The following EPHA6 variants were observed in gnomAD, a reference collection of about 807,000 sequenced individuals.
EPHA6 encodes the protein EPH receptor A6, also known as ephrin type-A receptor 6.
A neutral mutation model predicts 112.0 loss-of-function variants in EPHA6; 50 were observed. That is an observed-to-expected ratio of 0.45 (90% CI 0.36 to 0.56). The LOEUF (loss-of-function observed/expected upper bound fraction) is 0.56, where lower values mean the gene tolerates loss of function less well. Ranked by LOEUF, EPHA6 falls within the 20% of genes least tolerant of loss-of-function variation. The pLI, the probability that EPHA6 is intolerant of heterozygous loss-of-function variation, is 0.00. For missense variants in EPHA6, 1,280 were observed against 1,417.4 expected, an observed-to-expected ratio of 0.90 and a Z score of 1.56; for synonymous variants, 529 against 490.7, an observed-to-expected ratio of 1.08 and a Z score of -1.03.
rs752883948 is a variant in EPHA6 at position 97,226,354 on chromosome 3, C to T, written c.1205C>T (p.Ser402Phe). 18 of 1,613,660 alleles carry T rather than the reference C, an allele frequency of 1.1e-5. No individual in the cohort carries two copies. The South Asian group carries it at 2.0e-4, about 18-fold the overall frequency. The change falls in exon 4 of 18, where the codon TCT becomes TTT. Residue 402 changes from serine (S) to phenylalanine (F), a missense_variant. Physicochemically the swap from Ser to Phe is radical, Grantham distance 155 (BLOSUM62 -2). Transcript: ENST00000389672. The stretch of plus-strand genomic sequence containing the variant: ...AGTTTAACATACATGGAAGCAACTT[C>T]TGTCTGTCAGTGTGAAAAGGGTTAT... Reference protein sequence around the residue: ...PHSLTYMEATSVCQCEKGYFR... With the variant: ...PHSLTYMEATFVCQCEKGYFR...
chr3:97,116,255 A>G (rs1205311293), intron 3 of EPHA6, among the ~76,000 whole-genome samples: 1 of 151,760 alleles, frequency 6.6e-6, no homozygotes, highest in Non-Finnish European at 1.5e-5. Context: ...GTATATTTTT[A>G]ATGGTATACA....
chr3:96,936,542 A>C (rs2040592838), intron 2 of EPHA6, among the ~76,000 whole-genome samples: 1 of 151,674 alleles, frequency 6.6e-6, no homozygotes, highest in African/African-American at 2.4e-5. Context: ...CTGTACTTCA[A>C]GCTCAAGGAA....
At chr3:97,189,859 T>C (rs2077253916) in intron 3 of EPHA6, among the ~76,000 whole-genome samples, 1 of 152,136 alleles carries the variant, frequency 6.6e-6, no homozygotes, top group Non-Finnish European at 1.5e-5. Flanking sequence ...TATATAGATA[T>C]ATTTAAATGC....
chr3:97,173,987 A>G (rs2076765815), intron 3 of EPHA6, among the ~76,000 whole-genome samples: 1 of 150,696 alleles, frequency 6.6e-6, no homozygotes, highest in African/African-American at 2.4e-5. Flanking sequence ...CATTCTTTCT[A>G]TTTTTTTTAC....
chr3:97,195,482 G>A (rs1240302107), intron 3 of EPHA6, among the ~76,000 whole-genome samples: 1 of 151,754 alleles, frequency 6.6e-6, no homozygotes, highest in Non-Finnish European at 1.5e-5. Flanking sequence ...TTTCTGATAG[G>A]TTTATCTTTT....
intron 11 of EPHA6, among the ~76,000 whole-genome samples, chr3:97,547,393 C>T (rs75329186): frequency 3.3e-5 from 5 of 152,100 alleles, no homozygotes; most frequent in Non-Finnish European, 7.3e-5. Flanking sequence ...GTGGGTGAAC[C>T]GCAAATGCTG....
At chr3:97,504,625 TGCTTTCAG>T (rs1324737207) in intron 10 of EPHA6, among the ~76,000 whole-genome samples, 3 of 152,200 alleles carry the variant, frequency 2.0e-5, no homozygotes, top group Non-Finnish European at 4.4e-5. Context: ...CTCTCATCTG[TGCTTTCAG>T]GCTGTTCTTT....
At chr3:97,179,633 T>C (rs2076928988) in intron 3 of EPHA6, among the ~76,000 whole-genome samples, 1 of 152,044 alleles carries the variant, frequency 6.6e-6, no homozygotes, top group African/African-American at 2.4e-5. Context: ...ACTGCCTTGA[T>C]GATCTTGGAC....
At chr3:97,580,918 T>G (rs1376521983) in intron 11 of EPHA6, among the ~76,000 whole-genome samples, 3 of 152,190 alleles carry the variant, frequency 2.0e-5, no homozygotes, top group African/African-American at 7.2e-5. Context: ...CCCAACACAC[T>G]GTTATTACTT....
chr3:96,900,170 T>G (rs1369793279), intron 2 of EPHA6, among the ~76,000 whole-genome samples: 5 of 152,184 alleles, frequency 3.3e-5, no homozygotes, highest in Non-Finnish European at 7.4e-5. Flanking sequence ...TATTGCTAAT[T>G]TGAATAATTG....
intron 5 of EPHA6, among the ~76,000 whole-genome samples, chr3:97,255,326 A>G (rs1024668267): frequency 2.0e-5 from 3 of 152,176 alleles, no homozygotes; most frequent in Non-Finnish European, 2.9e-5. Flanking sequence ...TGCTTTCACC[A>G]TGGTCATTCT....
intron 3 of EPHA6, among the ~76,000 whole-genome samples, chr3:97,215,718 A>T (rs184326386): frequency 1.3e-5 from 2 of 152,146 alleles, no homozygotes; most frequent in African/African-American, 4.8e-5. Context: ...CATATGTATG[A>T]CATTTTCATT....
At chr3:97,352,003 G>T (rs11928998) in intron 5 of EPHA6, among the ~76,000 whole-genome samples, 6,561 of 152,084 alleles carry the variant, frequency 0.043, 434 homozygotes, top group African/African-American at 0.14. Context: ...TTGACAAGAA[G>T]AAACCACATA....
chr3:97,097,144 A>G (rs1489420206), intron 3 of EPHA6, among the ~76,000 whole-genome samples: 1 of 151,804 alleles, frequency 6.6e-6, no homozygotes, highest in African/African-American at 2.4e-5. Flanking sequence ...AAACACAAAG[A>G]AATAATAAGT....
intron 5 of EPHA6, among the ~76,000 whole-genome samples, chr3:97,257,418 T>C (rs1266131576): frequency 3.3e-5 from 5 of 152,006 alleles, no homozygotes; most frequent in Admixed American, 3.3e-4. Flanking sequence ...GGCAATTACC[T>C]AATATGCATT....
At chr3:97,229,442 C>T (rs1051711131) in intron 4 of EPHA6, among the ~76,000 whole-genome samples, 3 of 152,114 alleles carry the variant, frequency 2.0e-5, no homozygotes, top group African/African-American at 7.2e-5. Context: ...GTGTGGCTTG[C>T]CAATTGTCCC....
intron 5 of EPHA6, among the ~76,000 whole-genome samples, chr3:97,333,229 T>C (rs940795533): frequency 6.6e-6 from 1 of 152,118 alleles, no homozygotes; most frequent in African/African-American, 2.4e-5. Flanking sequence ...GGAGCAATTA[T>C]ATGTGGTACT....
chr3:96,869,408 G>A (rs1313766607), intron 2 of EPHA6, among the ~76,000 whole-genome samples: 1 of 149,626 alleles, frequency 6.7e-6, no homozygotes, highest in East Asian at 2.0e-4. Context: ...AATTGGCCTT[G>A]AAAAAAAAGG....
chr3:97,571,938 C>T (rs2093336961), intron 11 of EPHA6, among the ~76,000 whole-genome samples: 1 of 152,162 alleles, frequency 6.6e-6, no homozygotes, highest in Non-Finnish European at 1.5e-5. Context: ...TCAGCTTTTC[C>T]ATATACCTCT....
Sources: gnomAD v4.1 joint callset for allele counts (sites outside exome capture counted in the v4.1 genomes callset) on GRCh38, gnomAD v4.1.1 for gene constraint, MANE v1.5 for transcripts, NCBI Gene and HGNC (gene_info 2026-07-23, HGNC 2026-07-21) for gene names.